WDR27: variants seen among roughly 807,000 people sequenced by gnomAD.
WDR27 encodes WD repeat domain 27.
Under a neutral mutation model 114.4 loss-of-function variants are expected in WDR27, and 100 were observed. That is an observed-to-expected ratio of 0.87 (90% CI 0.74 to 1.03). The LOEUF is 1.03. Ranked by LOEUF, WDR27 falls within the 50% of genes least tolerant of loss-of-function variation. The pLI is 0.00. For missense variants in WDR27, 1,129 were observed against 1,092.9 expected (o/e 1.03, Z -0.47); for synonymous variants, 449 against 423.1 (o/e 1.06, Z -0.75).
At chr6:169,604,839 C>CA (rs1356437804) in intron 22 of WDR27, among the ~76,000 whole-genome samples, 15 of 151,366 alleles carry the variant, frequency 9.9e-5, no homozygotes, top group African/African-American at 3.4e-4. Flanking sequence ...GAATCATGGA[C>CA]AAAAAAATAT....
intron 25 of WDR27, among the ~76,000 whole-genome samples, chr6:169,570,987 A>C (rs778388178): frequency 2.6e-5 from 4 of 152,222 alleles, no homozygotes; most frequent in Non-Finnish European, 5.9e-5. Context: ...TATTCTCTGT[A>C]TACAAGCATC....
At chr6:169,611,542 G>A (rs1409654637) in intron 22 of WDR27, among the ~76,000 whole-genome samples, 1 of 151,962 alleles carries the variant, frequency 6.6e-6, no homozygotes, top group African/African-American at 2.4e-5. Context: ...CTGACCTCAG[G>A]TGATCCGCCC....
intron 12 of WDR27, among the ~76,000 whole-genome samples, chr6:169,658,785 A>G (rs1825074180): frequency 1.3e-5 from 2 of 148,610 alleles, no homozygotes; most frequent in South Asian, 2.1e-4. Flanking sequence ...CCGGGTTCCC[A>G]CCATTCTTCT....
At position 169,659,349 on chromosome 6, in the gene WDR27, C is replaced by G. The variant is rs1825279970; in HGVS notation, c.1197+102G>C. ...GTCACTCCTAAAACGTTTTTACACA[C>G]AAAATCCCGTTTACTCAGCCAGTCG... is the stretch of plus-strand genomic sequence containing the variant. On this transcript the variant is annotated intron_variant, in intron 11 of 25. Coordinates refer to ENST00000448612, the MANE Select transcript of WDR27 (RefSeq NM_182552.5). This position sits in a 1 kb window ranked among gnomAD's most constrained non-coding sequence, Gnocchi z 4.3. 6.3e-7 allele frequency: 1 copy of G among 1,577,316 alleles called. No homozygotes were observed. The highest frequency in any genetic ancestry group is 8.7e-7 in the Non-Finnish European group (1 of 1,155,720).
Position 169,623,822 on chromosome 6 carries a change from C to T in WDR27, c.2223+9125G>A, listed in dbSNP as rs76951712. ...TTAGCACATTGAAAACTCCTCCCAA[C>T]GGCTACTCAGTGCCAGCCTGGGCCT... is the stretch of plus-strand genomic sequence containing the variant. On this transcript the variant is annotated intron_variant, in intron 21 of 25. Transcript: ENST00000448612. Among the ~76,000 whole-genome samples, 163 of 152,332 alleles carry T rather than the reference C, an allele frequency of 1.1e-3. 1 individual carries two copies. The highest frequency in any genetic ancestry group is 3.2e-3 in the African/African-American group (131 of 41,560).
chr6:169,533,517 A>C (rs747935843), intron 25 of WDR27, among the ~76,000 whole-genome samples: 1 of 152,232 alleles, frequency 6.6e-6, no homozygotes, highest in African/African-American at 2.4e-5. Flanking sequence ...TAAAGACAGC[A>C]GGAGTAAGGT....
chr6:169,485,929 G>T (rs1017179653), intron 25 of WDR27, among the ~76,000 whole-genome samples: 2 of 152,084 alleles, frequency 1.3e-5, no homozygotes, highest in East Asian at 3.9e-4. Context: ...AATACTGCAC[G>T]TTTTCACAAG....
chr6:169,563,532 A>G (rs1166596585), intron 25 of WDR27, among the ~76,000 whole-genome samples: 1 of 152,190 alleles, frequency 6.6e-6, no homozygotes, highest in Non-Finnish European at 1.5e-5. Context: ...CCTTAAAAGA[A>G]AAGCTGTATT....
intron 9 of WDR27, among the ~76,000 whole-genome samples, chr6:169,661,561 C>T (rs965560372): frequency 6.6e-6 from 1 of 152,222 alleles, no homozygotes; most frequent in Non-Finnish European, 1.5e-5. Flanking sequence ...CAACGACCAT[C>T]GTCAACAGAA....
intron 25 of WDR27, among the ~76,000 whole-genome samples, chr6:169,525,380 C>CA (rs1794826996): frequency 6.6e-6 from 1 of 151,372 alleles, no homozygotes; most frequent in African/African-American, 2.4e-5. Context: ...ACTAAAAATA[C>CA]AAAAAATTAG....
intron 12 of WDR27, among the ~76,000 whole-genome samples, chr6:169,658,678 C>T (rs1825018275): frequency 1.3e-5 from 2 of 150,988 alleles, no homozygotes; most frequent in Admixed American, 1.3e-4. Flanking sequence ...GGCAGAGCTC[C>T]GAGTTTTCTT....
the WDR27 span, among the ~76,000 whole-genome samples, chr6:169,447,348 A>T: frequency 6.6e-6 from 1 of 152,210 alleles, no homozygotes; most frequent in Non-Finnish European, 1.5e-5. Context: ...TCTTTTATAA[A>T]AAGTTTTTCT....
intron 25 of WDR27, among the ~76,000 whole-genome samples, chr6:169,486,143 A>G (rs1317371431): frequency 6.6e-6 from 1 of 151,844 alleles, no homozygotes; most frequent in Admixed American, 6.5e-5. Context: ...GTACCCCTGA[A>G]CTTAAAAAGG....
chr6:169,689,064 GA>G, intron 1 of WDR27, 52 bp from the exon 2 acceptor site: 5 of 1,372,026 alleles, frequency 3.6e-6, no homozygotes, highest in African/African-American at 2.9e-5. Context: ...ATTTAATACA[GA>G]AAAAAAGTCT....
chr6:169,656,568 G>C (rs1009676969), intron 13 of WDR27, among the ~76,000 whole-genome samples: 3 of 152,086 alleles, frequency 2.0e-5, no homozygotes, highest in Non-Finnish European at 2.9e-5. Flanking sequence ...GAGGTTCGGG[G>C]GGCTGAGAAC....
In WDR27 at chr6:169,688,852, G is replaced by A; in HGVS notation, c.154C>T (p.Leu52Phe). Residue 52 changes from leucine to phenylalanine, a missense_variant, in exon 2 of 26, where the codon CTT (leucine) becomes TTT (phenylalanine). By Grantham distance (22) the Leu-to-Phe change is conservative. Coordinates refer to ENST00000448612, the MANE Select transcript of WDR27 (RefSeq NM_182552.5). ...GGATCCTTAGTGTTCCATATACAAA[G>A]TTCAGTTCCATCCAAAGGGAAAGCA... ...DCAFPLDGTELCIWNTKDPSH... is the reference protein window; with the variant it reads ...DCAFPLDGTEFCIWNTKDPSH... The A allele has an allele frequency of 1.2e-6, 2 of 1,612,800 alleles. No homozygotes were observed. Among genetic ancestry groups the A allele is most frequent in the Non-Finnish European group, 1.7e-6 (2 of 1,179,552 alleles).
At chr6:169,613,194 C>T (rs1811001473) in intron 22 of WDR27, among the ~76,000 whole-genome samples, 1 of 152,180 alleles carries the variant, frequency 6.6e-6, no homozygotes, top group African/African-American at 2.4e-5. Context: ...GCTGGCCCTG[C>T]GTTACGGGGG....
intron 1 of WDR27, among the ~76,000 whole-genome samples, chr6:169,696,102 G>T (rs1041462191): frequency 5.3e-5 from 8 of 152,222 alleles, no homozygotes; most frequent in African/African-American, 1.9e-4. Context: ...CACCAAATCT[G>T]CATTAGTTTG....
At chr6:169,427,802 CAACA>C in the WDR27 span, among the ~76,000 whole-genome samples, 2 of 110,642 alleles carry the variant, frequency 1.8e-5, no homozygotes, top group East Asian at 2.2e-4. Flanking sequence ...TGAAGACAAA[CAACA>C]ACCAAAAAAA....
Sources: allele counts gnomAD v4.1 joint callset (sites outside exome capture counted in the v4.1 genomes callset), GRCh38; gene constraint gnomAD v4.1.1; non-coding constraint Gnocchi (gnomAD v3.1); transcripts MANE v1.5; gene names NCBI Gene and HGNC (gene_info 2026-07-23, HGNC 2026-07-21).